Variants in TOX4 observed in about 807,000 individuals in gnomAD.
The protein encoded by TOX4 is epidermal Langerhans cell protein LCP1.
In TOX4, 12 loss-of-function variants were observed where a neutral mutation model predicts 61.0. The observed-to-expected ratio is 0.20, with a 90% CI of 0.13 to 0.32. The LOEUF is 0.32. Ranked by LOEUF, TOX4 falls within the 10% of genes least tolerant of loss-of-function variation. The pLI, the probability that TOX4 is intolerant of heterozygous loss-of-function variation, is 1.00. For synonymous variants in TOX4, 268 were observed against 274.8 expected, an observed-to-expected ratio of 0.98 and a Z score of 0.24; for missense variants, 499 against 753.3, an observed-to-expected ratio of 0.66 and a Z score of 3.95.
chr14:21,482,423 G>A (rs1834141152), intron 2 of TOX4: 1 of 358,216 alleles, frequency 2.8e-6, no homozygotes, highest in African/African-American at 2.2e-5. Flanking sequence ...TATATAATAA[G>A]CTAAAGAAAT....
At chr14:21,487,080 A>G (rs1470717365) in intron 2 of TOX4, among the ~76,000 whole-genome samples, 4 of 152,244 alleles carry the variant, frequency 2.6e-5, no homozygotes, top group Non-Finnish European at 5.9e-5. Context: ...CTCTATTAGA[A>G]TCTTTAGAGA....
chr14:21,477,300 C>T lies in TOX4; in HGVS notation c.6+16C>T. 2 of 1,613,968 alleles carry T rather than the reference C, an allele frequency of 1.2e-6. No individual in the cohort carries two copies. The highest frequency in any genetic ancestry group is 1.7e-6 in the Non-Finnish European group (2 of 1,179,930). On this transcript the variant is annotated intron_variant, in intron 1 of 8. Transcript: ENST00000448790. ...GAAGATGGAGGTAGGAACCTGATAGCTAAGAAGGCTGGCGAGAGAACGCGG... is the reference window on the plus strand; with the variant it reads ...GAAGATGGAGGTAGGAACCTGATAGTTAAGAAGGCTGGCGAGAGAACGCGG...
In TOX4 at chr14:21,495,232, G is replaced by A. The variant is rs906171917; in HGVS notation, c.1645G>A (p.Glu549Lys). 5 of 1,613,774 alleles carry A rather than the reference G, an allele frequency of 3.1e-6. No individual in the cohort carries two copies. In the African/African-American group the frequency reaches 6.7e-5, roughly 22 times the overall value. ...EMITDVVPEV[E>K]SPSQMDVELV... ...GGTACTCTTCTTCTTCTCACAGGTT[G>A]AGTCTCCTTCTCAGATGGATGTTGA... Residue 549 changes from glutamate (E) to lysine (K), a missense_variant, in exon 8 of 9, where the codon GAG becomes AAG. Coordinates refer to ENST00000448790, the MANE Select transcript of TOX4 (RefSeq NM_014828.4).
Position 21,498,920 on chromosome 14 carries a change from G to T in TOX4, c.*2314G>T. 3 of 735,756 alleles carry T rather than the reference G, an allele frequency of 4.1e-6. No individual in the cohort carries two copies. The highest frequency in any genetic ancestry group is 7.1e-6 in the Non-Finnish European group (3 of 423,904). The allele number at this position is 735,756 out of a possible 1,614,324, so 45.6% of individuals were successfully genotyped here. On this transcript the variant is annotated 3_prime_UTR_variant, in exon 9 of 9. Coordinates refer to ENST00000448790, the MANE Select transcript of TOX4 (RefSeq NM_014828.4). The stretch of plus-strand genomic sequence containing the variant: ...TTAAGTGGCTTATGAATCCTGTGAA[G>T]CTCATTTATGGACTAGTGTAAAACA...
chr14:21,482,115 C>T (rs898477432), intron 2 of TOX4, among the ~76,000 whole-genome samples: 5 of 152,120 alleles, frequency 3.3e-5, no homozygotes, highest in African/African-American at 7.2e-5. Flanking sequence ...TTGCCTGAGG[C>T]GGAAAGTTCT....
Position 21,495,352 on chromosome 14 carries a change from A to G in TOX4, c.1765A>G (p.Asn589Asp). ...TCCCATTGTGAGTAAGGACTGGGAC[A>G]ATGAATACTGCAGCAATGAGTGTGT... ...NPPIVSKDWDNEYCSNECVVK... is the reference protein window; with the variant it reads ...NPPIVSKDWDDEYCSNECVVK... The change falls in exon 8 of 9, where the codon AAT becomes GAT. Residue 589 changes from asparagine to aspartate, a missense_variant. By Grantham distance (23) the Asn-to-Asp change is conservative. Coordinates refer to ENST00000448790, the MANE Select transcript of TOX4 (RefSeq NM_014828.4). 1 of 1,614,156 alleles carries G rather than the reference A, an allele frequency of 6.2e-7. No individual in the cohort carries two copies. The highest frequency in any genetic ancestry group is 8.5e-7 in the Non-Finnish European group (1 of 1,180,022).
intron 2 of TOX4, among the ~76,000 whole-genome samples, chr14:21,477,976 G>A (rs753139015): frequency 2.6e-4 from 40 of 152,176 alleles, no homozygotes; most frequent in Admixed American, 6.5e-4. Context: ...TCGCTTTATC[G>A]CCCAGGTTGA....
chr14:21,492,902 CTGCTGCTGCTGCT>C lies in TOX4; in HGVS notation c.1287_1299del (p.Ala430LeufsTer68). 1 of 1,599,508 alleles carries C rather than the reference CTGCTGCTGCTGCT, an allele frequency of 6.3e-7. No individual in the cohort carries two copies. The highest frequency in any genetic ancestry group is 8.5e-7 in the Non-Finnish European group (1 of 1,175,126). On this transcript the variant is annotated frameshift_variant, in exon 7 of 9. Coordinates refer to ENST00000448790, the MANE Select transcript of TOX4 (RefSeq NM_014828.4). LOFTEE classifies it high-confidence loss of function. ...CGGTCAGTGTTGCAGGCAGCAGCAG[CTGCTGCTGCTGCT>C]GCTTCTATGCAACTGCCTCCACCCC...
chr14:21,478,396 C>T (rs1355914572), intron 2 of TOX4, among the ~76,000 whole-genome samples: 2 of 152,212 alleles, frequency 1.3e-5, no homozygotes, highest in African/African-American at 4.8e-5. Context: ...ACGTTGGGCA[C>T]ATTACTTCAT....
chr14:21,481,665 T>G (rs949935883), intron 2 of TOX4, among the ~76,000 whole-genome samples: 1 of 152,220 alleles, frequency 6.6e-6, no homozygotes, highest in East Asian at 1.9e-4. Context: ...AACTTTATTC[T>G]TACTAGCTTA....
intron 3 of TOX4, 160 bp from the exon 4 acceptor site, chr14:21,488,430 A>G (rs1891226673): frequency 1.3e-6 from 1 of 753,078 alleles, no homozygotes; most frequent in Admixed American, 3.1e-5. Flanking sequence ...TTTTTTAAAA[A>G]GCTTATTTTT....
Position 21,498,972 on chromosome 14 carries a change from TTAATCA to T in TOX4, c.*2370_*2375del. On this transcript the variant is annotated 3_prime_UTR_variant, in exon 9 of 9. Coordinates refer to ENST00000448790, the MANE Select transcript of TOX4 (RefSeq NM_014828.4). ...TGTGAAGCTCTACTAAGTTCTGTCC[TTAATCA>T]TAAATAATAGCCCCTTGAGGACTAG... The T allele has an allele frequency of 3.1e-6, 4 of 1,273,224 alleles. No homozygotes were observed. Among genetic ancestry groups the T allele is most frequent in the Non-Finnish European group, 3.4e-6 (3 of 870,170 alleles). 78.9% of individuals were successfully genotyped at this position (1,273,224 alleles called of 1,614,324 possible). A position where few individuals can be genotyped will look rare whatever the true frequency, so the allele number is the denominator to read the frequency against.
At chr14:21,478,758 A>G (rs565764257) in intron 2 of TOX4, among the ~76,000 whole-genome samples, 2 of 152,022 alleles carry the variant, frequency 1.3e-5, no homozygotes, top group South Asian at 2.1e-4. Flanking sequence ...TAACGTTTTC[A>G]TGGATGAAAA....
In TOX4 at chr14:21,492,358, A is replaced by G; in HGVS notation, c.873A>G (p.Lys291=). The change falls in exon 6 of 9, where the codon AAA becomes AAG. Residue 291 remains lysine, a synonymous_variant. Transcript: ENST00000448790. The stretch of plus-strand genomic sequence containing the variant: ...ATCTGAAGGCACTGGCTGCTTACAA[A>G]GACAACCAGGAGTGTCAGGTAAGAG... The part of the protein sequence containing the change: ...KEYLKALAAY[K]DNQECQATVE... The G allele has an allele frequency of 1.2e-6, 2 of 1,614,196 alleles. No individual in the cohort carries two copies. The highest frequency in any genetic ancestry group is 1.7e-6 in the Non-Finnish European group (2 of 1,180,032).
Position 21,496,665 on chromosome 14 carries a change from G to T in TOX4, c.*59G>T. Reference sequence around the variant, plus strand: ...CTGCTGGGAAAGTGTCCAAGAGCCTGTTTTTGAAACACAAGCTGGGCTTCT... The same window carrying T: ...CTGCTGGGAAAGTGTCCAAGAGCCTTTTTTTGAAACACAAGCTGGGCTTCT... On this transcript the variant is annotated 3_prime_UTR_variant, in exon 9 of 9. Transcript: ENST00000448790. The T allele has an allele frequency of 6.6e-7, 1 of 1,511,524 alleles. No homozygotes were observed. 93.6% of individuals were successfully genotyped at this position (1,511,524 alleles called of 1,614,324 possible).
At chr14:21,487,305 A>G in intron 2 of TOX4, 146 bp from the exon 3 acceptor site, 2 of 1,136,920 alleles carry the variant, frequency 1.8e-6, no homozygotes, top group African/African-American at 1.6e-5. Context: ...TAAAAATAAT[A>G]GGTTCTAAGA....
chr14:21,497,521 G>A lies in TOX4; in HGVS notation c.*915G>A, dbSNP rs3929984. The A allele has an allele frequency of 4.5e-5, 5 of 110,890 alleles. No homozygotes were observed. Among genetic ancestry groups the A allele is most frequent in the Admixed American group, 4.2e-4 (4 of 9,422 alleles). 6.9% of individuals were successfully genotyped at this position (110,890 alleles called of 1,614,324 possible). A position where few individuals can be genotyped will look rare whatever the true frequency, so the allele number is the denominator to read the frequency against. On this transcript the variant is annotated 3_prime_UTR_variant, in exon 9 of 9. Transcript: ENST00000448790. The stretch of plus-strand genomic sequence containing the variant: ...CATTCCTGTTTTCTGTGTGTTTTTT[G>A]TTTTTTTTTTTTTTTTTTTTTTTTG...
rs779081988 is a variant in TOX4 at position 21,488,649 on chromosome 14, A to G, written c.378A>G (p.Val126=). 14 of 1,614,070 alleles carry G rather than the reference A, an allele frequency of 8.7e-6. No individual in the cohort carries two copies. In the East Asian group the frequency reaches 2.7e-4, roughly 31 times the overall value. Residue 126 remains valine, a synonymous_variant, in exon 4 of 9, where the codon GTA becomes GTG. Coordinates refer to ENST00000448790, the MANE Select transcript of TOX4 (RefSeq NM_014828.4). ...YSANPPVTID[V]PMTDMTSGLM... ...CCAACCCACCTGTTACAATTGATGTACCAATGACAGACATGACATCTGGCT... is the reference window on the plus strand; with the variant it reads ...CCAACCCACCTGTTACAATTGATGTGCCAATGACAGACATGACATCTGGCT...
rs1224640727 is a variant in TOX4 at position 21,486,034 on chromosome 14, C to T, written c.76-1417C>T. On this transcript the variant is annotated intron_variant, in intron 2 of 8. Transcript: ENST00000448790. ...TGGGCAACACAGGGAGAGCTCGTCT[C>T]CACAAAAAATTTTAAAAATTAGCTG... 2.0e-5 allele frequency among the ~76,000 whole-genome samples: 2 copies of T among 102,090 alleles called. 1 individual carries two copies. Among genetic ancestry groups the T allele is most frequent in the African/African-American group, 7.5e-5 (2 of 26,716 alleles). 67.0% of individuals were successfully genotyped at this position (102,090 alleles called of 152,430 possible).
Sources: gnomAD v4.1 joint callset for allele counts (sites outside exome capture counted in the v4.1 genomes callset) on GRCh38, gnomAD v4.1.1 for gene constraint, MANE v1.5 for transcripts, NCBI Gene and HGNC (gene_info 2026-07-23, HGNC 2026-07-21) for gene names.